LUZP2: variants seen among roughly 807,000 people sequenced by gnomAD.
LUZP2 encodes the protein leucine zipper protein 2.
A neutral mutation model predicts 51.6 loss-of-function variants in LUZP2; 52 were observed. The observed-to-expected ratio is 1.01, with a 90% CI of 0.81 to 1.27. LUZP2 has a LOEUF of 1.27. LUZP2 is among the 50% of genes most tolerant of loss of function. The probability of loss-of-function intolerance (pLI) is 0.00; values close to 1 mark genes in which losing one functional copy is unlikely to be tolerated. For missense variants in LUZP2, 436 were observed against 395.4 expected (o/e 1.10, Z -0.87); for synonymous variants, 154 against 137.3 (o/e 1.12, Z -0.85).
At chr11:24,736,914 T>C (rs1260140273) in intron 3 of LUZP2, among the ~76,000 whole-genome samples, 1 of 152,056 alleles carries the variant, frequency 6.6e-6, no homozygotes, top group African/African-American at 2.4e-5. Context: ...TATAACTTGT[T>C]CTCACTATAT....
At chr11:24,891,016 A>G (rs2133757889) in intron 5 of LUZP2, 1 of 979,872 alleles carries the variant, frequency 1.0e-6, no homozygotes, top group African/African-American at 1.8e-5. Context: ...TTATCACTCT[A>G]CGTTTATTCA....
chr11:24,745,774 T>G (rs1859358303), intron 4 of LUZP2, among the ~76,000 whole-genome samples: 1 of 152,082 alleles, frequency 6.6e-6, no homozygotes, highest in South Asian at 2.1e-4. Flanking sequence ...ACCTCCTGGG[T>G]TCAAGCGATT....
chr11:24,755,501 A>G lies in LUZP2; in HGVS notation c.334-7745A>G, dbSNP rs185040100. On this transcript the variant is annotated intron_variant, in intron 4 of 11. Coordinates refer to ENST00000336930, the MANE Select transcript of LUZP2 (RefSeq NM_001009909.4). ...ATTTAAATTCTATTTTAGCTATTAT[A>G]GATAAAAATAACCAAGGATTCGAAC... Among the ~76,000 whole-genome samples, 14 of 152,280 alleles carry G rather than the reference A, an allele frequency of 9.2e-5. No individual in the cohort carries two copies. In the East Asian group the frequency reaches 2.7e-3, roughly 29 times the overall value.
At chr11:24,817,611 A>G (rs7131640) in intron 5 of LUZP2, among the ~76,000 whole-genome samples, 7,165 of 152,100 alleles carry the variant, frequency 0.047, 264 homozygotes, top group East Asian at 0.13. Context: ...GAAAAACAAA[A>G]TTAATTTTCC....
At chr11:24,637,484 T>G (rs1448672354) in intron 1 of LUZP2, among the ~76,000 whole-genome samples, 1 of 151,870 alleles carries the variant, frequency 6.6e-6, no homozygotes, top group Non-Finnish European at 1.5e-5. Flanking sequence ...AAGATCTGAC[T>G]GCCTGTGGGG....
intron 7 of LUZP2, among the ~76,000 whole-genome samples, chr11:24,971,465 G>C (rs1232397615): frequency 6.6e-6 from 1 of 152,038 alleles, no homozygotes; most frequent in Non-Finnish European, 1.5e-5. Flanking sequence ...CTGTGGCATA[G>C]GGGCTGGGGA....
At chr11:25,054,799 C>T (rs1056927630) in intron 10 of LUZP2, among the ~76,000 whole-genome samples, 1 of 151,826 alleles carries the variant, frequency 6.6e-6, no homozygotes, top group East Asian at 1.9e-4. Context: ...ATACAGGTAT[C>T]CTTGGTTACT....
At chr11:24,619,050 GATAGGTCTTGCTTTTTTAC>G (rs944248920) in intron 1 of LUZP2, among the ~76,000 whole-genome samples, 1 of 150,156 alleles carries the variant, frequency 6.7e-6, no homozygotes, top group Non-Finnish European at 1.5e-5. Flanking sequence ...ATTTATTTGA[GATAGGTCTTGCTTTTTTAC>G]CCAAGTTGCA....
At chr11:24,684,780 T>C (rs1261039366) in intron 1 of LUZP2, among the ~76,000 whole-genome samples, 2 of 152,218 alleles carry the variant, frequency 1.3e-5, no homozygotes, top group Non-Finnish European at 2.9e-5. Flanking sequence ...GTTTCCTTTT[T>C]CTTCCTGTCT....
At chr11:24,629,019 TAAAC>T (rs1423510102) in intron 1 of LUZP2, among the ~76,000 whole-genome samples, 53 of 152,252 alleles carry the variant, frequency 3.5e-4, no homozygotes, top group Admixed American at 3.3e-3. Flanking sequence ...AGCAATGTAA[TAAAC>T]AAGGTAGTTA....
chr11:24,985,358 T>A (rs1856159769), intron 9 of LUZP2, among the ~76,000 whole-genome samples: 1 of 151,758 alleles, frequency 6.6e-6, no homozygotes, highest in South Asian at 2.1e-4. Context: ...ATGACGTATC[T>A]TTTATGTCTT....
At chr11:24,510,840 G>GC (rs1184550426) in intron 1 of LUZP2, among the ~76,000 whole-genome samples, 10 of 150,590 alleles carry the variant, frequency 6.6e-5, no homozygotes, top group African/African-American at 2.5e-4. Flanking sequence ...CATTGACTCT[G>GC]TGCTGCTGTG....
At chr11:24,771,275 C>G (rs1486081843) in intron 5 of LUZP2, among the ~76,000 whole-genome samples, 1 of 150,826 alleles carries the variant, frequency 6.6e-6, no homozygotes, top group Non-Finnish European at 1.5e-5. Context: ...CTTTAGTAGA[C>G]AGTAGGTCAT....
At chr11:24,676,929 A>G (rs1856575708) in intron 1 of LUZP2, among the ~76,000 whole-genome samples, 2 of 152,162 alleles carry the variant, frequency 1.3e-5, no homozygotes, top group South Asian at 4.1e-4. Context: ...GGCCTCCAAA[A>G]GTTCTGGAAT....
At chr11:24,645,247 C>T (rs375788382) in intron 1 of LUZP2, among the ~76,000 whole-genome samples, 1 of 152,076 alleles carries the variant, frequency 6.6e-6, no homozygotes, top group Non-Finnish European at 1.5e-5. Flanking sequence ...CAATCCCCAC[C>T]TCCCTTTCCA....
chr11:24,802,534 C>T (rs1199446901), intron 5 of LUZP2, among the ~76,000 whole-genome samples: 4 of 151,718 alleles, frequency 2.6e-5, no homozygotes, highest in East Asian at 1.9e-4. Flanking sequence ...TTTTTAATTG[C>T]ACAGTTCATA....
chr11:24,526,342 A>C (rs1850804406), intron 1 of LUZP2, among the ~76,000 whole-genome samples: 1 of 151,150 alleles, frequency 6.6e-6, no homozygotes, highest in Non-Finnish European at 1.5e-5. Context: ...TAATTCATTC[A>C]AATTTTATTC....
In LUZP2 at chr11:24,827,205, A is replaced by C. The variant is rs890871101; in HGVS notation, c.396+63897A>C. Among the ~76,000 whole-genome samples, 3 of 152,186 alleles carry C rather than the reference A, an allele frequency of 2.0e-5. No homozygotes were observed. In the East Asian group the frequency reaches 5.8e-4, roughly 29 times the overall value. On this transcript the variant is annotated intron_variant, in intron 5 of 11. Transcript: ENST00000336930. ...GACCTTGGATTTGTAGCATTTAATT[A>C]CCAATGAATGTAACTTTGCTAGGAG... is the stretch of plus-strand genomic sequence containing the variant.
At chr11:24,718,395 T>C (rs1281614218) in intron 1 of LUZP2, among the ~76,000 whole-genome samples, 16 of 152,178 alleles carry the variant, frequency 1.1e-4, no homozygotes, top group Admixed American at 1.0e-3. Flanking sequence ...GATTAATCAG[T>C]GAAGCACAAG....
Sources: gnomAD v4.1 joint callset for allele counts (sites outside exome capture counted in the v4.1 genomes callset) on GRCh38, gnomAD v4.1.1 for gene constraint, MANE v1.5 for transcripts, NCBI Gene and HGNC (gene_info 2026-07-23, HGNC 2026-07-21) for gene names.